Variants in COL22A1 observed in about 807,000 individuals in gnomAD.
COL22A1 encodes collagen type XXII alpha 1 chain.
Under a neutral mutation model 248.9 loss-of-function variants are expected in COL22A1, and 221 were observed. That is an observed-to-expected ratio of 0.89 (90% confidence interval 0.80 to 0.99). The LOEUF (loss-of-function observed/expected upper bound fraction) is 0.99, where lower values mean the gene tolerates loss of function less well. Ranked by LOEUF, COL22A1 falls within the 50% of genes least tolerant of loss-of-function variation. The pLI, the probability that COL22A1 is intolerant of heterozygous loss-of-function variation, is 0.00. For missense variants in COL22A1, 2,240 were observed against 2,179.0 expected, an observed-to-expected ratio of 1.03 and a Z score of -0.56; for synonymous variants, 891 against 793.4, an observed-to-expected ratio of 1.12 and a Z score of -2.07.
intron 50 of COL22A1, among the ~76,000 whole-genome samples, chr8:138,627,382 G>A (rs1461131172): frequency 6.6e-6 from 1 of 152,160 alleles, no homozygotes; most frequent in Non-Finnish European, 1.5e-5. Context: ...TGGTTTGCAT[G>A]TTGTCTATGG....
intron 22 of COL22A1, among the ~76,000 whole-genome samples, chr8:138,748,744 C>T (rs1350771518): frequency 6.6e-6 from 1 of 152,188 alleles, no homozygotes; most frequent in African/African-American, 2.4e-5. Flanking sequence ...CAGATCAGGC[C>T]AAGCACCATT....
chr8:138,773,306 C>T (rs538651646), intron 16 of COL22A1, among the ~76,000 whole-genome samples: 1 of 152,268 alleles, frequency 6.6e-6, no homozygotes, highest in Admixed American at 6.5e-5. Context: ...CTTCTGGCTG[C>T]CCCCCGAGGG....
intron 12 of COL22A1, among the ~76,000 whole-genome samples, chr8:138,782,658 G>A (rs1054828524): frequency 6.6e-6 from 1 of 152,242 alleles, no homozygotes; most frequent in African/African-American, 2.4e-5. Flanking sequence ...AAGTCTCAGA[G>A]TCCCACTGGC....
chr8:138,624,754 C>T (rs1820102813), intron 51 of COL22A1, among the ~76,000 whole-genome samples: 1 of 152,170 alleles, frequency 6.6e-6, no homozygotes, highest in African/African-American at 2.4e-5. Context: ...GCTTACTTAA[C>T]CTCCAGGCTG....
At chr8:138,799,448 C>T (rs1816820644) in intron 11 of COL22A1, among the ~76,000 whole-genome samples, 11 of 152,158 alleles carry the variant, frequency 7.2e-5, no homozygotes, top group Admixed American at 7.2e-4. Context: ...GATATTGACA[C>T]TTCCCTTACC....
At chr8:138,862,043 AAAAAG>A (rs1391182009) in intron 3 of COL22A1, among the ~76,000 whole-genome samples, 30 of 148,870 alleles carry the variant, frequency 2.0e-4, no homozygotes, top group African/African-American at 7.2e-4. Flanking sequence ...AAAAAAAAAA[AAAAAG>A]AAAAAAAGAA....
chr8:138,748,443 G>A (rs1586642481), intron 22 of COL22A1, among the ~76,000 whole-genome samples: 1 of 152,206 alleles, frequency 6.6e-6, no homozygotes. Context: ...GGGAGAAAAT[G>A]AGAAGTCAGA....
chr8:138,658,989 C>T (rs1823549028), intron 44 of COL22A1, among the ~76,000 whole-genome samples: 1 of 152,158 alleles, frequency 6.6e-6, no homozygotes, highest in Non-Finnish European at 1.5e-5. Context: ...ACTATGCTGA[C>T]TTCACTATCT....
chr8:138,669,092 G>A (rs1824783090), intron 41 of COL22A1, among the ~76,000 whole-genome samples: 1 of 152,184 alleles, frequency 6.6e-6, no homozygotes, highest in Non-Finnish European at 1.5e-5. Flanking sequence ...GCACCTTGCT[G>A]GAGAGGCCTC....
In COL22A1 at chr8:138,707,192, G is replaced by T. The variant is rs906213726; in HGVS notation, c.2518-3845C>A. On this transcript the variant is annotated intron_variant, in intron 30 of 64. Transcript: ENST00000303045. ...TCCAGGACCAGATGCATTCACAGCCGAATTCTACCAGAGGTACAAAGAGGA... is the reference window on the plus strand; with the variant it reads ...TCCAGGACCAGATGCATTCACAGCCTAATTCTACCAGAGGTACAAAGAGGA... 2.0e-5 allele frequency among the ~76,000 whole-genome samples: 3 copies of T among 152,078 alleles called. No individual in the cohort carries two copies. In the South Asian group the frequency reaches 6.2e-4, roughly 32 times the overall value.
At chr8:138,705,825 A>T (rs1368689003) in intron 30 of COL22A1, among the ~76,000 whole-genome samples, 1 of 152,210 alleles carries the variant, frequency 6.6e-6, no homozygotes, top group Non-Finnish European at 1.5e-5. Flanking sequence ...CAATTAAAAG[A>T]CACAGACTGG....
intron 3 of COL22A1, among the ~76,000 whole-genome samples, chr8:138,868,734 C>T (rs1823089683): frequency 1.4e-5 from 2 of 145,560 alleles, no homozygotes; most frequent in Non-Finnish European, 3.0e-5. Context: ...CATTGTCCTC[C>T]TTTTTTTTTT....
intron 45 of COL22A1, among the ~76,000 whole-genome samples, chr8:138,652,314 T>C (rs983791623): frequency 6.6e-6 from 1 of 152,228 alleles, no homozygotes; most frequent in Non-Finnish European, 1.5e-5. Flanking sequence ...AATGGGGATG[T>C]CAAAGTCTTA....
intron 4 of COL22A1, among the ~76,000 whole-genome samples, chr8:138,841,479 T>C (rs957460461): frequency 2.0e-5 from 3 of 152,052 alleles, no homozygotes; most frequent in African/African-American, 7.2e-5. Flanking sequence ...GAGCTCACTG[T>C]GAGAATAAGT....
Position 138,750,486 on chromosome 8 carries a change from G to A in COL22A1, c.2085+972C>T, listed in dbSNP as rs547947693. Among the ~76,000 whole-genome samples, 21 of 152,306 alleles carry A rather than the reference G, an allele frequency of 1.4e-4. No individual in the cohort carries two copies. In the South Asian group the frequency reaches 4.4e-3, roughly 32 times the overall value. On this transcript the variant is annotated intron_variant, in intron 22 of 64. Transcript: ENST00000303045. ...CGGAGGATGTGAACTGTGATGGGGA[G>A]GCAACCCCCTTAGACGAAGTCAATC...
intron 26 of COL22A1, among the ~76,000 whole-genome samples, chr8:138,721,500 TG>T (rs1829870115): frequency 6.6e-6 from 1 of 152,248 alleles, no homozygotes; most frequent in African/African-American, 2.4e-5. Flanking sequence ...ACCAGAACAT[TG>T]TTAAAATTGA....
Position 138,802,934 on chromosome 8 carries a change from C to A in COL22A1, c.1495G>T (p.Gly499Ter). ...AGPMGLPGPKGDIGAIGPVGA... is the reference protein window; with the variant it reads ...AGPMGLPGPK ...ACCGGCCCAATGGCTCCTATGTCTC[C>A]CTGAGGGGTTGAGACCAGAGACAAG... Residue 499 changes from glycine to a stop codon, truncating the protein, a stop_gained and splice_region_variant, in exon 11 of 65, where the codon GGA (glycine) becomes TGA (stop). Transcript: ENST00000303045. LOFTEE classifies it high-confidence loss of function. 1 of 1,613,270 alleles carries A rather than the reference C, an allele frequency of 6.2e-7. No homozygotes were observed. Among genetic ancestry groups the A allele is most frequent in the Non-Finnish European group, 8.5e-7 (1 of 1,179,190 alleles).
intron 1 of COL22A1, among the ~76,000 whole-genome samples, chr8:138,902,739 T>TACACACACACACACACAC (rs35023865): frequency 2.1e-5 from 2 of 93,872 alleles, no homozygotes; most frequent in African/African-American, 4.5e-5. Context: ...TATATATATA[T>TACACACACACACACACAC]ACACACACAC....
chr8:138,764,161 C>T (rs536718295), intron 16 of COL22A1, among the ~76,000 whole-genome samples: 1 of 152,294 alleles, frequency 6.6e-6, no homozygotes, highest in South Asian at 2.1e-4. Context: ...CAGCTCATGG[C>T]TGCTGTGCTC....
Sources: allele counts gnomAD v4.1 joint callset (sites outside exome capture counted in the v4.1 genomes callset), GRCh38; gene constraint gnomAD v4.1.1; transcripts MANE v1.5; gene names NCBI Gene and HGNC (gene_info 2026-07-23, HGNC 2026-07-21).